Variants in ZNF737 observed in about 807,000 individuals in gnomAD.
The protein encoded by ZNF737 is zinc finger protein 102 (Y3).
ZNF737 carries 13 observed loss-of-function variants against 11.7 expected under a neutral mutation model. The ratio of observed to expected loss-of-function variants is 1.11; its 90% CI spans 0.73 to 1.77. The LOEUF (loss-of-function observed/expected upper bound fraction) is 1.77. Ranked by LOEUF, ZNF737 falls within the 40% of genes most tolerant of loss-of-function variation. The pLI is 0.00. For missense variants in ZNF737, 636 were observed against 638.0 expected, an observed-to-expected ratio of 1.00 and a Z score of 0.03; for synonymous variants, 217 against 216.2, an observed-to-expected ratio of 1.00 and a Z score of -0.03.
intron 3 of ZNF737, among the ~76,000 whole-genome samples, chr19:20,552,125 G>T (rs1417694897): frequency 6.6e-6 from 1 of 151,868 alleles, no homozygotes; most frequent in Non-Finnish European, 1.5e-5. Context: ...TGCAAAAAGA[G>T]AAATAATTCT....
At chr19:20,560,863 A>G (rs1199594229) in intron 1 of ZNF737, among the ~76,000 whole-genome samples, 11 of 152,244 alleles carry the variant, frequency 7.2e-5, no homozygotes, top group Admixed American at 6.5e-5. Flanking sequence ...TAACAGCTAA[A>G]TAATAAGAAC....
chr19:20,550,717 C>A (rs1968630903), intron 3 of ZNF737, among the ~76,000 whole-genome samples: 2 of 152,026 alleles, frequency 1.3e-5, no homozygotes, highest in Admixed American at 6.5e-5. Flanking sequence ...AAGACCAGAT[C>A]AAAGATGTAG....
rs782515539 is a variant in ZNF737 at position 20,552,555 on chromosome 19, T to C, written c.146A>G (p.Lys49Arg). Residue 49 changes from lysine (K) to arginine (R), a missense_variant, in exon 3 of 4, where the codon AAG becomes AGG. Transcript: ENST00000427401. ...NLVFLGIVVS[K>R]PDLITCLEQG... The stretch of plus-strand genomic sequence containing the variant: ...CTCCAGACAGGTGATGAGGTCTGGC[T>C]TAGAGACAACAATACCTGTTTTATT... 63 of 1,581,742 alleles carry C rather than the reference T, an allele frequency of 4.0e-5. No homozygotes were observed. Among genetic ancestry groups the C allele is most frequent in the Non-Finnish European group, 5.4e-5 (63 of 1,168,404 alleles).
Position 20,543,915 on chromosome 19 carries a change from G to T in ZNF737, c.*677C>A. ...GGCCAAGGTGGGTGGATCACCTGAGGTCAGGAGTTCGAGACCAGCCTGGCA... is the reference window on the plus strand; with the variant it reads ...GGCCAAGGTGGGTGGATCACCTGAGTTCAGGAGTTCGAGACCAGCCTGGCA... On this transcript the variant is annotated 3_prime_UTR_variant, in exon 4 of 4. Transcript: ENST00000427401. 1.1e-6 allele frequency: 1 copy of T among 872,880 alleles called. No individual in the cohort carries two copies. The highest frequency in any genetic ancestry group is 1.8e-5 in the African/African-American group (1 of 54,622). The allele number at this position is 872,880 out of a possible 1,614,324, so 54.1% of individuals were successfully genotyped here.
Position 20,542,152 on chromosome 19 carries a change from A to G in ZNF737, c.*2440T>C. On this transcript the variant is annotated 3_prime_UTR_variant, in exon 4 of 4. Coordinates refer to ENST00000427401, the MANE Select transcript of ZNF737 (RefSeq NM_001159293.2). ...AGTAAAGTGGGATACAGTTAGTGGC[A>G]CAATAATGGTTCATTAAACGCACGG... 1.0e-6 allele frequency: 1 copy of G among 985,264 alleles called. No homozygotes were observed. Among genetic ancestry groups the G allele is most frequent in the Non-Finnish European group, 1.2e-6 (1 of 829,784 alleles). The allele number at this position is 985,264 out of a possible 1,614,324, so 61.0% of individuals were successfully genotyped here. A position where few individuals can be genotyped will look rare whatever the true frequency, so the allele number is the denominator to read the frequency against.
chr19:20,543,022 T>G lies in ZNF737; in HGVS notation c.*1570A>C. On this transcript the variant is annotated 3_prime_UTR_variant, in exon 4 of 4. Coordinates refer to ENST00000427401, the MANE Select transcript of ZNF737 (RefSeq NM_001159293.2). ...AAAACTGCAGTTGTGGATTAGTTTT[T>G]ATATTCAATGCTCTGATTTAGTGTA... 1 of 985,334 alleles carries G rather than the reference T, an allele frequency of 1.0e-6. No homozygotes were observed. Among genetic ancestry groups the G allele is most frequent in the Non-Finnish European group, 1.2e-6 (1 of 829,820 alleles). The allele number at this position is 985,334 out of a possible 1,614,324, so 61.0% of individuals were successfully genotyped here. A position where few individuals can be genotyped will look rare whatever the true frequency, so the allele number is the denominator to read the frequency against.
chr19:20,545,468 A>T lies in ZNF737; in HGVS notation c.735T>A (p.Thr245=). ...CTCCACTATGAATTATCTTATGTGC[A>T]GTAAGGTATGAAAACCGGCTAAAGG... ...GKAFSRFSYL[T]AHKIIHSGEK... is the part of the protein sequence containing the mutation. Residue 245 remains threonine, a synonymous_variant, in exon 4 of 4, where the codon ACT becomes ACA. Transcript: ENST00000427401. The T allele has an allele frequency of 6.2e-7, 1 of 1,613,714 alleles. No homozygotes were observed. The highest frequency in any genetic ancestry group is 8.5e-7 in the Non-Finnish European group (1 of 1,179,894).
intron 1 of ZNF737, among the ~76,000 whole-genome samples, chr19:20,560,652 T>C (rs1299187306): frequency 6.6e-6 from 1 of 151,838 alleles, no homozygotes; most frequent in Non-Finnish European, 1.5e-5. Context: ...TGGTGCCATG[T>C]GCCTGTAATC....
rs989165434 is a variant in ZNF737 at position 20,543,955 on chromosome 19, G to A, written c.*637C>T. ...CCAGCCTGGCAAACATGGCGAAGTC[G>A]CATCTCTACTAAAAATAAAAAAATT... On this transcript the variant is annotated 3_prime_UTR_variant, in exon 4 of 4. Transcript: ENST00000427401. The A allele has an allele frequency of 1.8e-5, 12 of 669,618 alleles. No individual in the cohort carries two copies. In the Admixed American group the frequency reaches 5.0e-4, roughly 28 times the overall value. The allele number at this position is 669,618 out of a possible 1,614,324, so 41.5% of individuals were successfully genotyped here.
chr19:20,537,849 T>C (rs77183693), downstream of ZNF737: 3,485 of 162,662 alleles, frequency 0.021, 138 homozygotes, highest in African/African-American at 0.079. Flanking sequence ...TAATATAAAA[T>C]TCTTCGCTAA....
intron 1 of ZNF737, 144 bp downstream of exon 1, chr19:20,565,494 G>C: frequency 7.0e-7 from 1 of 1,424,518 alleles, no homozygotes; most frequent in Non-Finnish European, 9.9e-7. Context: ...GGCTGAACGG[G>C]ACTGAGGCCG....
Position 20,565,758 on chromosome 19 carries a change from A to C in ZNF737, c.-118T>G. 6.6e-7 allele frequency: 1 copy of C among 1,517,440 alleles called. No individual in the cohort carries two copies. The highest frequency in any genetic ancestry group is 1.1e-5 in the South Asian group (1 of 88,870). The allele number at this position is 1,517,440 out of a possible 1,614,324, so 94.0% of individuals were successfully genotyped here. ...GAGGACACACAGCAGTGAAGACAAG[A>C]CCTGGAGCTCCGGCTGCAGAGACAA... On this transcript the variant is annotated 5_prime_UTR_variant, in exon 1 of 4. Transcript: ENST00000427401.
In ZNF737 at chr19:20,544,596, A is replaced by G. The variant is rs1968349642; in HGVS notation, c.1607T>C (p.Leu536Pro). The G allele has an allele frequency of 6.3e-7, 1 of 1,596,094 alleles. No individual in the cohort carries two copies. The highest frequency in any genetic ancestry group is 8.5e-7 in the Non-Finnish European group (1 of 1,173,012). The change falls in exon 4 of 4, where the codon CTA becomes CCA. Residue 536 changes from leucine to proline, a missense_variant. Transcript: ENST00000427401. ...GCTTTGCCACATTCCTCACATTTAT[A>G]GTTTCTCTCCAGTATGAATTACCTT... is the stretch of plus-strand genomic sequence containing the variant. ...THKVIHTGEK[L>P] is the part of the protein sequence containing the mutation.
rs975323199 is a variant in ZNF737 at position 20,552,507 on chromosome 19, A to C, written c.194T>G (p.Met65Arg). 6.3e-7 allele frequency: 1 copy of C among 1,594,920 alleles called. No homozygotes were observed. Among genetic ancestry groups the C allele is most frequent in the Admixed American group, 1.8e-5 (1 of 55,662 alleles). ...GTTGGCTACCATCTCATGTTTCTTCATGGTCAAAGGTTTTTTTCCTTGCTC... is the reference window on the plus strand; with the variant it reads ...GTTGGCTACCATCTCATGTTTCTTCCTGGTCAAAGGTTTTTTTCCTTGCTC... ...CLEQGKKPLTMKKHEMVANPS... is the reference protein window; with the variant it reads ...CLEQGKKPLTRKKHEMVANPS... Residue 65 changes from methionine (M) to arginine (R), a missense_variant, in exon 3 of 4, where the codon ATG (methionine) becomes AGG (arginine). Met to Arg is a moderately conservative substitution (Grantham distance 91). Coordinates refer to ENST00000427401, the MANE Select transcript of ZNF737 (RefSeq NM_001159293.2).
intron 1 of ZNF737, among the ~76,000 whole-genome samples, chr19:20,562,340 A>ATTTTTT (rs56851244): frequency 8.1e-6 from 1 of 123,772 alleles, no homozygotes; most frequent in Admixed American, 8.5e-5. Flanking sequence ...CACCTGGCTA[A>ATTTTTT]TTTTTTTTTT....
At position 20,538,795 on chromosome 19, in the gene ZNF737, C is replaced by T. The variant is rs1968079657; in HGVS notation, c.*5797G>A. 1.0e-6 allele frequency: 1 copy of T among 985,250 alleles called. No individual in the cohort carries two copies. Among genetic ancestry groups the T allele is most frequent in the African/African-American group, 1.7e-5 (1 of 57,222 alleles). 61.0% of individuals were successfully genotyped at this position (985,250 alleles called of 1,614,324 possible). On this transcript the variant is annotated 3_prime_UTR_variant, in exon 4 of 4. Transcript: ENST00000427401. ...TTTAATTGGGCTGTTATTTGCATAG[C>T]TAGATAATTACCAACTTTAGTCATA...
chr19:20,540,133 A>C lies in ZNF737; in HGVS notation c.*4459T>G, dbSNP rs1357854513. The C allele has an allele frequency of 1.0e-6, 1 of 985,354 alleles. No individual in the cohort carries two copies. The highest frequency in any genetic ancestry group is 1.7e-5 in the African/African-American group (1 of 57,332). 61.0% of individuals were successfully genotyped at this position (985,354 alleles called of 1,614,324 possible). A position where few individuals can be genotyped will look rare whatever the true frequency, so the allele number is the denominator to read the frequency against. ...TGGAGGAGGCAGAAATGATGGCAAG[A>C]TACAAACATTTTTCCCGCCATGTGG... On this transcript the variant is annotated 3_prime_UTR_variant, in exon 4 of 4. Coordinates refer to ENST00000427401, the MANE Select transcript of ZNF737 (RefSeq NM_001159293.2).
At chr19:20,533,876 T>C (rs567903174), downstream of ZNF737, among the ~76,000 whole-genome samples, 11 of 150,292 alleles carry the variant, frequency 7.3e-5, no homozygotes, top group East Asian at 2.2e-3. Context: ...TTGGAATCAC[T>C]TGGGCTGAGC....
rs1384352962 is a variant in ZNF737 at position 20,538,640 on chromosome 19, C to G, written c.*5952G>C. On this transcript the variant is annotated 3_prime_UTR_variant, in exon 4 of 4. Transcript: ENST00000427401. ...TTACAGCTCCAGAGAACAAACATTT[C>G]TAAAACCATTATGGACCCTGAGTAA... The G allele has an allele frequency of 6.1e-6, 6 of 984,648 alleles. No individual in the cohort carries two copies. The African/African-American group carries it at 8.7e-5, about 14-fold the overall frequency. The allele number at this position is 984,648 out of a possible 1,614,324, so 61.0% of individuals were successfully genotyped here. A position where few individuals can be genotyped will look rare whatever the true frequency, so the allele number is the denominator to read the frequency against.
Sources: allele counts gnomAD v4.1 joint callset (sites outside exome capture counted in the v4.1 genomes callset), GRCh38; gene constraint gnomAD v4.1.1; transcripts MANE v1.5; gene names NCBI Gene and HGNC (gene_info 2026-07-23, HGNC 2026-07-21).